Variants in EPS15 observed in about 807,000 individuals in gnomAD.
EPS15 encodes the protein epidermal growth factor receptor pathway substrate 15.
A neutral mutation model predicts 113.8 loss-of-function variants in EPS15; 72 were observed. The ratio of observed to expected loss-of-function variants is 0.63; its 90% CI spans 0.52 to 0.77. The LOEUF (loss-of-function observed/expected upper bound fraction) is 0.77. Ranked by LOEUF, EPS15 falls within the 30% of genes least tolerant of loss-of-function variation. EPS15 has a pLI of 0.00. For synonymous variants in EPS15, 344 were observed against 363.4 expected (o/e 0.95, Z 0.61); for missense variants, 1,048 against 1,045.8 (o/e 1.00, Z -0.03).
intron 19 of EPS15, 132 bp downstream of exon 19, chr1:51,400,786 A>C: frequency 2.2e-6 from 1 of 454,010 alleles, no homozygotes; most frequent in Non-Finnish European, 4.0e-6. Flanking sequence ...AAAAGAATTT[A>C]CTACTCTCTT....
At chr1:51,500,476 T>C (rs1285875553) in intron 1 of EPS15, among the ~76,000 whole-genome samples, 4 of 152,216 alleles carry the variant, frequency 2.6e-5, no homozygotes, top group African/African-American at 9.7e-5. Flanking sequence ...TTTTTTATCA[T>C]AGCCATCCTA....
chr1:51,367,131 G>A (rs750308141), intron 21 of EPS15, among the ~76,000 whole-genome samples: 23 of 152,280 alleles, frequency 1.5e-4, no homozygotes, highest in South Asian at 4.1e-4. Context: ...ATCTGGAAAC[G>A]GAGCAAAGAA....
chr1:51,388,552 G>A (rs992273573), intron 21 of EPS15, among the ~76,000 whole-genome samples: 9 of 151,898 alleles, frequency 5.9e-5, no homozygotes, highest in Admixed American at 2.6e-4. Flanking sequence ...AAGGATCAAC[G>A]AAATTGATAG....
intron 22 of EPS15, among the ~76,000 whole-genome samples, chr1:51,364,413 T>C (rs1292407575): frequency 6.6e-6 from 1 of 152,150 alleles, no homozygotes; most frequent in Admixed American, 6.5e-5. Flanking sequence ...ATGGATTCCA[T>C]ACGTCCTAAT....
At chr1:51,406,771 C>T (rs140117709) in intron 15 of EPS15, among the ~76,000 whole-genome samples, 8 of 152,146 alleles carry the variant, frequency 5.3e-5, no homozygotes, top group Non-Finnish European at 8.8e-5. Flanking sequence ...CTAAATGATA[C>T]GGATTTTTAA....
At chr1:51,430,797 T>A (rs897673201) in intron 12 of EPS15, among the ~76,000 whole-genome samples, 38 of 148,372 alleles carry the variant, frequency 2.6e-4, no homozygotes, top group Admixed American at 3.4e-4. Flanking sequence ...CTCTATAAAA[T>A]TTTTTTTTTT....
chr1:51,497,871 G>C (rs1644351650), intron 1 of EPS15, among the ~76,000 whole-genome samples: 1 of 151,934 alleles, frequency 6.6e-6, no homozygotes, highest in African/African-American at 2.4e-5. Flanking sequence ...CAGCTACTTG[G>C]GAGGCTGAGA....
chr1:51,503,757 G>T (rs1301086186), intron 1 of EPS15, among the ~76,000 whole-genome samples: 2 of 152,152 alleles, frequency 1.3e-5, no homozygotes, highest in East Asian at 1.9e-4. Flanking sequence ...TAGATCAATG[G>T]AACAGAATTA....
At chr1:51,477,459 T>C (rs1188677294) in intron 2 of EPS15, among the ~76,000 whole-genome samples, 2 of 152,232 alleles carry the variant, frequency 1.3e-5, no homozygotes, top group Non-Finnish European at 2.9e-5. Flanking sequence ...TTCCTTCAGT[T>C]CTGCTCTCAT....
intron 21 of EPS15, chr1:51,372,752 G>A: frequency 2.4e-6 from 1 of 414,974 alleles, no homozygotes; most frequent in South Asian, 1.9e-5. Flanking sequence ...CTGGAGCAGA[G>A]GAAGCTGAGG....
In EPS15 at chr1:51,405,985, T is replaced by C. The variant is rs150237151; in HGVS notation, c.1597A>G (p.Ser533Gly). 2.3e-5 allele frequency: 37 copies of C among 1,614,236 alleles called. No individual in the cohort carries two copies. Among genetic ancestry groups the C allele is most frequent in the South Asian group, 2.1e-4 (19 of 91,088 alleles). The stretch of plus-strand genomic sequence containing the variant: ...TCATTAAGGTTGGCTGTTTCACTGC[T>C]GCTGGTGCTGAGGCTGCAATAATCT... ...ATDYCSLSTS[S>G]SETANLNEHV... Residue 533 changes from serine to glycine, a missense_variant, in exon 16 of 25, where the codon AGC becomes GGC. Ser to Gly is a moderately conservative substitution (Grantham distance 56). Transcript: ENST00000371733.
intron 8 of EPS15, among the ~76,000 whole-genome samples, chr1:51,452,135 C>T (rs1284942239): frequency 1.3e-5 from 2 of 151,834 alleles, no homozygotes; most frequent in South Asian, 2.1e-4. Flanking sequence ...TCCACCCACC[C>T]CAGCCTCCCA....
intron 21 of EPS15, among the ~76,000 whole-genome samples, chr1:51,386,368 G>A (rs1647073254): frequency 6.6e-6 from 1 of 152,198 alleles, no homozygotes; most frequent in South Asian, 2.1e-4. Context: ...GCTGGGTAGT[G>A]GTACTTGTAA....
chr1:51,389,726 G>A (rs1379221582), intron 21 of EPS15, among the ~76,000 whole-genome samples: 2 of 152,212 alleles, frequency 1.3e-5, no homozygotes, highest in African/African-American at 4.8e-5. Flanking sequence ...TTGCTTCAAA[G>A]AGAATAAAAT....
intron 1 of EPS15, among the ~76,000 whole-genome samples, chr1:51,487,094 T>C (rs1036702252): frequency 1.3e-5 from 2 of 152,220 alleles, no homozygotes; most frequent in Non-Finnish European, 2.9e-5. Context: ...TTATTGGTTA[T>C]AGTGAAGCAT....
intron 1 of EPS15, among the ~76,000 whole-genome samples, chr1:51,502,528 T>C (rs908547914): frequency 5.9e-5 from 9 of 151,984 alleles, no homozygotes; most frequent in Non-Finnish European, 1.2e-4. Context: ...AGCATCTAGA[T>C]TGGGGGAGGA....
Position 51,519,223 on chromosome 1 carries a change from C to G in EPS15, c.9G>C (p.Ala3=), listed in dbSNP as rs376113866. 3.6e-6 allele frequency: 5 copies of G among 1,382,416 alleles called. No homozygotes were observed. The highest frequency in any genetic ancestry group is 4.7e-6 in the Non-Finnish European group (5 of 1,052,802). 85.6% of individuals were successfully genotyped at this position (1,382,416 alleles called of 1,614,324 possible). A position where few individuals can be genotyped will look rare whatever the true frequency, so the allele number is the denominator to read the frequency against. Residue 3 remains alanine (A), a synonymous_variant, in exon 1 of 25, where the codon GCG becomes GCC. Coordinates refer to ENST00000371733, the MANE Select transcript of EPS15 (RefSeq NM_001981.3). Reference sequence around the variant, plus strand: ...CCTGTGTCAGAGAGAGCTGGGCCGCCGCAGCCATGGTGTTTCCATCATGCA... The same window carrying G: ...CCTGTGTCAGAGAGAGCTGGGCCGCGGCAGCCATGGTGTTTCCATCATGCA... The part of the protein sequence containing the change: MA[A]AAQLSLTQLS...
chr1:51,519,190 T>C lies in EPS15; in HGVS notation c.33+9A>G. On this transcript the variant is annotated intron_variant, in intron 1 of 24. Transcript: ENST00000371733. ...CGGCCAAGCCCGGCGGACGGGCGTG[T>C]GGCGTTACCTGTGTCAGAGAGAGCT... 2 of 1,420,238 alleles carry C rather than the reference T, an allele frequency of 1.4e-6. No homozygotes were observed. Among genetic ancestry groups the C allele is most frequent in the Non-Finnish European group, 1.9e-6 (2 of 1,075,638 alleles). 88.0% of individuals were successfully genotyped at this position (1,420,238 alleles called of 1,614,324 possible).
At chr1:51,493,242 T>A (rs1355255475) in intron 1 of EPS15, among the ~76,000 whole-genome samples, 2 of 152,184 alleles carry the variant, frequency 1.3e-5, no homozygotes, top group East Asian at 3.9e-4. Flanking sequence ...GCGCCTGTAG[T>A]CCCAGCTACT....
Sources: allele counts gnomAD v4.1 joint callset (sites outside exome capture counted in the v4.1 genomes callset), GRCh38; gene constraint gnomAD v4.1.1; transcripts MANE v1.5; gene names NCBI Gene and HGNC (gene_info 2026-07-23, HGNC 2026-07-21).